LNX1: variants seen among roughly 807,000 people sequenced by gnomAD.
The protein encoded by LNX1 is ligand of numb-protein X 1.
LNX1 carries 54 observed loss-of-function variants against 68.4 expected under a neutral mutation model. That is an observed-to-expected ratio of 0.79 (90% confidence interval 0.63 to 0.99). The LOEUF is 0.99. Ranked by LOEUF, LNX1 falls within the 50% of genes least tolerant of loss-of-function variation. LNX1 has a pLI of 0.00. For missense variants in LNX1, 906 were observed against 926.4 expected, an observed-to-expected ratio of 0.98 and a Z score of 0.29; for synonymous variants, 336 against 350.0, an observed-to-expected ratio of 0.96 and a Z score of 0.45.
chr4:53,629,682 TC>T (rs1488040304), intron 1 of LNX1, among the ~76,000 whole-genome samples: 1 of 152,150 alleles, frequency 6.6e-6, no homozygotes, highest in Non-Finnish European at 1.5e-5. Context: ...AAAAAGACAC[TC>T]CTGCTCTGTG....
chr4:53,602,965 G>C (rs1285425500), intron 2 of LNX1: 1 of 152,240 alleles, frequency 6.6e-6, no homozygotes, highest in East Asian at 1.9e-4. Flanking sequence ...GAAAAGGCAA[G>C]GACAAAAGTA....
In LNX1 at chr4:53,575,678, C is replaced by G. The variant is rs1242285872; in HGVS notation, c.-86-1590G>C. 2.3e-5 allele frequency: 32 copies of G among 1,388,970 alleles called. No homozygotes were observed. In the Admixed American group the frequency reaches 8.2e-4, roughly 36 times the overall value. The allele number at this position is 1,388,970 out of a possible 1,614,324, so 86.0% of individuals were successfully genotyped here. On this transcript the variant is annotated intron_variant, in intron 1 of 10. Coordinates refer to ENST00000263925, the MANE Select transcript of LNX1 (RefSeq NM_001126328.3). ...CCAGGTATCTGCATCTGGGACCCAC[C>G]CCCTGGGCTGGCTAATCAAGGAGGA...
rs998659111 is a variant in LNX1 at position 53,527,890 on chromosome 4, C to T, written c.381-19663G>A. Among the ~76,000 whole-genome samples the T allele has an allele frequency of 9.9e-5, 15 of 152,202 alleles. No individual in the cohort carries two copies. In the South Asian group the frequency reaches 1.2e-3, roughly 13 times the overall value. ...GGAAGAATTACAGGGATTCTAGTTC[C>T]ATTACAAAGGCAAAATGCCACCAGC... On this transcript the variant is annotated intron_variant, in intron 2 of 10. Transcript: ENST00000263925.
chr4:53,579,365 G>A, intron 1 of LNX1: 1 of 671,924 alleles, frequency 1.5e-6, no homozygotes, highest in South Asian at 6.7e-5. Context: ...AACCAGAGGT[G>A]ATTTTTAGAG....
chr4:53,495,961 A>T (rs1725020947), intron 6 of LNX1, 62 bp downstream of exon 6: 1 of 1,557,268 alleles, frequency 6.4e-7, no homozygotes, highest in Non-Finnish European at 8.7e-7. Flanking sequence ...GTTCAGGGGG[A>T]TGTGCATTCT....
intron 4 of LNX1, chr4:53,501,745 G>T (rs898394358): frequency 6.6e-6 from 1 of 152,158 alleles, no homozygotes; most frequent in Non-Finnish European, 1.5e-5. Context: ...AAGCAATGAG[G>T]CCCTCTGGCC....
At chr4:53,629,050 G>T (rs1409897414) in intron 1 of LNX1, among the ~76,000 whole-genome samples, 15 of 152,146 alleles carry the variant, frequency 9.9e-5, no homozygotes, top group Non-Finnish European at 1.9e-4. Context: ...GGTGATGGGT[G>T]CACTAAAATA....
intron 1 of LNX1, among the ~76,000 whole-genome samples, chr4:53,626,964 C>A (rs189891160): frequency 6.6e-6 from 1 of 152,318 alleles, no homozygotes; most frequent in East Asian, 1.9e-4. Flanking sequence ...CATCATACAC[C>A]TTTGACAAAA....
intron 7 of LNX1, among the ~76,000 whole-genome samples, chr4:53,479,982 A>G (rs1723812121): frequency 6.6e-6 from 1 of 152,224 alleles, no homozygotes; most frequent in African/African-American, 2.4e-5. Flanking sequence ...TAAACCATGC[A>G]AAATTTGATG....
chr4:53,596,425 C>T (rs1461729289), upstream of LNX1, among the ~76,000 whole-genome samples: 1 of 152,168 alleles, frequency 6.6e-6, no homozygotes, highest in East Asian at 1.9e-4. Context: ...GTTTACCACA[C>T]TGATTTGTGG....
At chr4:53,527,457 ACGAGC>A (rs1366896430) in intron 2 of LNX1, among the ~76,000 whole-genome samples, 3 of 152,168 alleles carry the variant, frequency 2.0e-5, no homozygotes, top group Non-Finnish European at 2.9e-5. Context: ...ATTAGTCTCT[ACGAGC>A]CTGGTGCTGA....
chr4:53,477,900 A>T (rs1343375785), intron 8 of LNX1, among the ~76,000 whole-genome samples: 1 of 152,166 alleles, frequency 6.6e-6, no homozygotes, highest in Non-Finnish European at 1.5e-5. Context: ...CAGCAGCTGT[A>T]CTTGGGAAAC....
At chr4:53,488,625 T>C (rs1265230350) in intron 6 of LNX1, among the ~76,000 whole-genome samples, 1 of 152,168 alleles carries the variant, frequency 6.6e-6, no homozygotes, top group African/African-American at 2.4e-5. Flanking sequence ...CATAGGGGAT[T>C]GTCTCTATGC....
chr4:53,472,794 AG>A (rs1723323240), intron 9 of LNX1, among the ~76,000 whole-genome samples: 1 of 116,648 alleles, frequency 8.6e-6, no homozygotes, highest in Non-Finnish European at 2.0e-5. Flanking sequence ...GAGGCCAAGC[AG>A]GGGGAAGGCT....
chr4:53,576,117 G>T, intron 1 of LNX1: 13 of 1,554,458 alleles, frequency 8.4e-6, no homozygotes, highest in Non-Finnish European at 1.1e-5. Flanking sequence ...GGAGCCAGCG[G>T]CCCCTCCTTG....
At chr4:53,506,857 A>AAAAAAAAAAAAAAAAAAAAAAAG in intron 4 of LNX1, among the ~76,000 whole-genome samples, 1 of 47,662 alleles carries the variant, frequency 2.1e-5, no homozygotes, top group African/African-American at 7.2e-5. Context: ...AACTCTGTCT[A>AAAAAAAAAAAAAAAAAAAAAAAG]AAAAAAAAAA....
intron 2 of LNX1, among the ~76,000 whole-genome samples, chr4:53,548,090 G>C (rs1223558060): frequency 6.6e-6 from 1 of 150,516 alleles, no homozygotes; most frequent in Non-Finnish European, 1.5e-5. Flanking sequence ...AGGGCGTGGG[G>C]CCACATGAGC....
intron 9 of LNX1, among the ~76,000 whole-genome samples, chr4:53,464,624 G>A (rs1431030306): frequency 1.3e-5 from 2 of 152,022 alleles, no homozygotes; most frequent in Non-Finnish European, 2.9e-5. Flanking sequence ...GAACAAACAG[G>A]TATAGCAATG....
At chr4:53,611,257 A>G (rs1474816114) in intron 2 of LNX1, among the ~76,000 whole-genome samples, 3 of 152,186 alleles carry the variant, frequency 2.0e-5, no homozygotes, top group Non-Finnish European at 4.4e-5. Context: ...ACCAACCTCT[A>G]TGAAATACTT....
Sources: allele counts gnomAD v4.1 joint callset (sites outside exome capture counted in the v4.1 genomes callset), GRCh38; gene constraint gnomAD v4.1.1; transcripts MANE v1.5; gene names NCBI Gene and HGNC (gene_info 2026-07-23, HGNC 2026-07-21).